Variants in ASS1 observed in about 807,000 individuals in gnomAD.
The protein encoded by ASS1 is argininosuccinate synthase.
Under a neutral mutation model 60.5 loss-of-function variants are expected in ASS1, and 58 were observed. That is an observed-to-expected ratio of 0.96 (90% confidence interval 0.78 to 1.19). ASS1 has a LOEUF of 1.19. Ranked by LOEUF, ASS1 falls within the 50% of genes most tolerant of loss-of-function variation. ASS1 has a pLI of 0.00. For synonymous variants in ASS1, 200 were observed against 206.9 expected (o/e 0.97, Z 0.29); for missense variants, 454 against 547.3 (o/e 0.83, Z 1.70).
rs373824533 is a variant in ASS1 at position 130,477,006 on chromosome 9, G to A, written c.688+45G>A. On this transcript the variant is annotated intron_variant, in intron 9 of 14. Coordinates refer to ENST00000352480, the MANE Select transcript of ASS1 (RefSeq NM_054012.4). The surrounding 1 kb of genome is among the most constrained non-coding windows in gnomAD (Gnocchi z 4.2). ...GACTCGAAGGGGGTTGACTTTTGGG[G>A]CCCTGGCTCCTTTCCCCTCCCTGCC... The A allele has an allele frequency of 2.5e-6, 4 of 1,575,732 alleles. No homozygotes were observed. The highest frequency in any genetic ancestry group is 3.5e-6 in the Non-Finnish European group (4 of 1,145,946).
At chr9:130,473,345 C>T (rs1335379581) in intron 8 of ASS1, among the ~76,000 whole-genome samples, 1 of 152,178 alleles carries the variant, frequency 6.6e-6, no homozygotes, top group East Asian at 1.9e-4. Context: ...GCTGGGGGTC[C>T]CATGCTACCT....
chr9:130,492,179 C>T lies in ASS1; in HGVS notation c.971-2688C>T, dbSNP rs543802533. Among the ~76,000 whole-genome samples the T allele has an allele frequency of 1.6e-4, 24 of 152,294 alleles. No homozygotes were observed. The South Asian group carries it at 1.7e-3, about 11-fold the overall frequency. ...GGCGTGGTTTCCCAGTGTGGAGGCGCGGCACTTGGAGTCTTGCCTCTGGCT... is the reference window on the plus strand; with the variant it reads ...GGCGTGGTTTCCCAGTGTGGAGGCGTGGCACTTGGAGTCTTGCCTCTGGCT... On this transcript the variant is annotated intron_variant, in intron 12 of 14. Coordinates refer to ENST00000352480, the MANE Select transcript of ASS1 (RefSeq NM_054012.4).
In ASS1 at chr9:130,479,755, C is replaced by T. The variant is rs1846120679; in HGVS notation, c.728C>T (p.Thr243Ile). 6.2e-7 allele frequency: 1 copy of T among 1,614,212 alleles called. No homozygotes were observed. Among genetic ancestry groups the T allele is most frequent in the African/African-American group, 1.3e-5 (1 of 75,062 alleles). The change falls in exon 10 of 15, where the codon ACC (threonine) becomes ATC (isoleucine). Residue 243 changes from threonine (T) to isoleucine (I), a missense_variant. By Grantham distance (89) the Thr-to-Ile change is moderately conservative (BLOSUM62 -1). Transcript: ENST00000352480. ...VKVTNVKDGT[T>I]HQTSLELFMY... ...GTGACCAACGTCAAGGATGGCACCA[C>T]CCACCAGACCTCCTTGGAGCTCTTC...
intron 7 of ASS1, 52 bp from the exon 8 acceptor site, chr9:130,471,433 G>C: frequency 6.2e-7 from 1 of 1,602,614 alleles, no homozygotes; most frequent in Non-Finnish European, 8.6e-7. Context: ...GGGGGATGGG[G>C]ACATGCCATG....
chr9:130,454,212 T>C (rs1845385543), intron 2 of ASS1, 93 bp from the exon 3 acceptor site: 1 of 1,297,116 alleles, frequency 7.7e-7, no homozygotes, highest in East Asian at 2.5e-5. Context: ...AAGCTGTCTC[T>C]GTAGCAGGGG....
chr9:130,481,428 C>A (rs1014682715), intron 11 of ASS1, among the ~76,000 whole-genome samples: 1 of 152,144 alleles, frequency 6.6e-6, no homozygotes, highest in African/African-American at 2.4e-5. Flanking sequence ...TGAAAAGATA[C>A]CACAACCAAA....
intron 1 of ASS1, among the ~76,000 whole-genome samples, chr9:130,448,420 GCGCACA>G (rs200305291): frequency 0.086 from 5,692 of 66,216 alleles, 339 homozygotes; most frequent in African/African-American, 0.22. Flanking sequence ...GTGTGTGCGC[GCGCACA>G]CACACACACA....
intron 6 of ASS1, among the ~76,000 whole-genome samples, chr9:130,469,097 C>T (rs558926338): frequency 3.3e-5 from 5 of 152,322 alleles, no homozygotes; most frequent in African/African-American, 1.2e-4. Flanking sequence ...AGAGGCTCCA[C>T]GGAGCCTGGC....
intron 5 of ASS1, among the ~76,000 whole-genome samples, chr9:130,465,051 TATA>T (rs1176841121): frequency 0.098 from 10,770 of 110,344 alleles, 470 homozygotes; most frequent in African/African-American, 0.16. Flanking sequence ...TATATATATA[TATA>T]TATTTTTTTT....
At chr9:130,466,605 C>A in intron 5 of ASS1, 120 bp from the exon 6 acceptor site, 1 of 920,290 alleles carries the variant, frequency 1.1e-6, no homozygotes, top group Non-Finnish European at 1.7e-6. Flanking sequence ...AGCATCCTCT[C>A]TGGGGACATG....
intron 13 of ASS1, 101 bp from the exon 14 acceptor site, chr9:130,499,404 C>T (rs1197370039): frequency 1.2e-5 from 15 of 1,245,092 alleles, no homozygotes; most frequent in East Asian, 2.4e-5. Context: ...GGGGAAATGC[C>T]CTGGCATCTG....
chr9:130,475,652 T>C (rs1171433390), intron 8 of ASS1, among the ~76,000 whole-genome samples: 2 of 151,506 alleles, frequency 1.3e-5, no homozygotes, highest in Non-Finnish European at 2.9e-5. Flanking sequence ...CATCTGTTGA[T>C]GGGGTAAGAG....
At chr9:130,454,024 G>A (rs532802372) in intron 2 of ASS1, among the ~76,000 whole-genome samples, 22 of 152,352 alleles carry the variant, frequency 1.4e-4, no homozygotes, top group Admixed American at 1.4e-3. Context: ...GCAGATGGTT[G>A]TCTCCCAGCA....
At chr9:130,492,888 C>A (rs1435431307) in intron 12 of ASS1, among the ~76,000 whole-genome samples, 1 of 152,188 alleles carries the variant, frequency 6.6e-6, no homozygotes, top group Admixed American at 6.5e-5. Flanking sequence ...TGGCCCCCAA[C>A]CCAGGCTGGG....
chr9:130,447,416 TTTCAAG>T (rs1288570634), intron 1 of ASS1, among the ~76,000 whole-genome samples: 1 of 152,228 alleles, frequency 6.6e-6, no homozygotes, highest in Non-Finnish European at 1.5e-5. Context: ...GCTCTGACGT[TTTCAAG>T]TAGCACGAGT....
intron 8 of ASS1, among the ~76,000 whole-genome samples, chr9:130,473,356 C>T (rs1370286447): frequency 6.6e-6 from 1 of 152,178 alleles, no homozygotes; most frequent in Non-Finnish European, 1.5e-5. Context: ...CATGCTACCT[C>T]TTCATGGGAG....
intron 5 of ASS1, chr9:130,466,333 G>A (rs1845742843): frequency 6.8e-6 from 2 of 293,974 alleles, no homozygotes; most frequent in Admixed American, 4.6e-5. Context: ...CGTGGGGCCA[G>A]GCCAGCAGCG....
rs1845495270 is a variant in ASS1 at position 130,458,316 on chromosome 9, C to T, written c.175-85C>T. 4 of 1,551,988 alleles carry T rather than the reference C, an allele frequency of 2.6e-6. No homozygotes were observed. In the Admixed American group the frequency reaches 6.7e-5, roughly 26 times the overall value. On this transcript the variant is annotated intron_variant, in intron 3 of 14. Transcript: ENST00000352480. ...AGCGGGGGTGGCCCCGTATAGGTCT[C>T]AGCTAGCTGAGGCCCCTGGGGCTCT...
rs1412082321 is a variant in ASS1 at position 130,476,688 on chromosome 9, C to T, written c.598-183C>T. The T allele has an allele frequency of 6.1e-6, 4 of 658,940 alleles. No individual in the cohort carries two copies. The highest frequency in any genetic ancestry group is 1.1e-5 in the Non-Finnish European group (4 of 367,086). 40.8% of individuals were successfully genotyped at this position (658,940 alleles called of 1,614,324 possible). A position where few individuals can be genotyped will look rare whatever the true frequency, so the allele number is the denominator to read the frequency against. On this transcript the variant is annotated intron_variant, in intron 8 of 14. Transcript: ENST00000352480. This position sits in a 1 kb window ranked among gnomAD's most constrained non-coding sequence, Gnocchi z 4.9. Reference sequence around the variant, plus strand: ...GTCTGATTTCTCCAGCCCTTTGTTTCCCAGGCCTCTGGCAAGCGAGGCTGG... The same window carrying T: ...GTCTGATTTCTCCAGCCCTTTGTTTTCCAGGCCTCTGGCAAGCGAGGCTGG...
Sources: gnomAD v4.1 joint callset for allele counts (sites outside exome capture counted in the v4.1 genomes callset) on GRCh38, gnomAD v4.1.1 for gene constraint, Gnocchi (gnomAD v3.1) non-coding constraint, MANE v1.5 for transcripts, NCBI Gene and HGNC (gene_info 2026-07-23, HGNC 2026-07-21) for gene names.